Variants in DRC8 observed in about 807,000 individuals in gnomAD.
The protein encoded by DRC8 is dynein regulatory complex protein 8.
chr1:244,978,179 TTTTTA>T, the DRC8 span, among the ~76,000 whole-genome samples: 70 of 152,280 alleles, frequency 4.6e-4, no homozygotes, highest in African/African-American at 1.2e-3. Flanking sequence ...GTAATTTTAG[TTTTTA>T]TTTTTATTTT....
chr1:245,116,367 A>C, the DRC8 span, among the ~76,000 whole-genome samples: 1 of 152,250 alleles, frequency 6.6e-6, no homozygotes, highest in South Asian at 2.1e-4. Context: ...CAGCCTGGGC[A>C]ATGGAGTGAG....
chr1:245,055,944 A>G, the DRC8 span, among the ~76,000 whole-genome samples: 1 of 152,160 alleles, frequency 6.6e-6, no homozygotes, highest in Admixed American at 6.5e-5. Context: ...GCCCAGGTGG[A>G]GTGCAGTGGC....
chr1:245,069,797 C>A, the DRC8 span, among the ~76,000 whole-genome samples: 1 of 152,160 alleles, frequency 6.6e-6, no homozygotes, highest in Non-Finnish European at 1.5e-5. Flanking sequence ...GTTTCAGCTA[C>A]TCGGGAGGCT....
At chr1:245,087,099 G>A in the DRC8 span, 13 of 1,197,352 alleles carry the variant, frequency 1.1e-5, no homozygotes, top group Middle Eastern at 8.0e-4. Context: ...CTGGACTGTC[G>A]TGATGTCCTG....
chr1:244,979,616 A>AT, the DRC8 span, among the ~76,000 whole-genome samples: 1 of 150,440 alleles, frequency 6.6e-6, no homozygotes, highest in Non-Finnish European at 1.5e-5. Context: ...TAATTTTTGT[A>AT]TTTTTAGTAG....
At chr1:245,042,730 AT>A in the DRC8 span, among the ~76,000 whole-genome samples, 5 of 151,098 alleles carry the variant, frequency 3.3e-5, no homozygotes, top group South Asian at 2.1e-4. Context: ...TGTTTTGCCT[AT>A]TTTTTTTTGT....
the DRC8 span, among the ~76,000 whole-genome samples, chr1:245,013,149 G>GAACA: frequency 2.1e-5 from 1 of 47,222 alleles, no homozygotes; most frequent in East Asian, 5.3e-3. Context: ...AAAAAACAAA[G>GAACA]AACAAACAAA....
chr1:245,022,898 T>G, the DRC8 span: 2 of 152,188 alleles, frequency 1.3e-5, no homozygotes, highest in Non-Finnish European at 2.9e-5. Flanking sequence ...TAACAATAAT[T>G]CCATATCCCA....
At chr1:245,055,108 G>T in the DRC8 span, among the ~76,000 whole-genome samples, 5 of 152,134 alleles carry the variant, frequency 3.3e-5, no homozygotes, top group African/African-American at 1.2e-4. Context: ...CAGGAAGCAA[G>T]CCTGCTCTTT....
the DRC8 span, among the ~76,000 whole-genome samples, chr1:245,073,633 T>G: frequency 6.6e-6 from 1 of 151,936 alleles, no homozygotes; most frequent in Non-Finnish European, 1.5e-5. Flanking sequence ...AATGGCTTGA[T>G]AAGATGTTCA....
chr1:245,089,069 A>C, the DRC8 span, among the ~76,000 whole-genome samples: 1 of 152,210 alleles, frequency 6.6e-6, no homozygotes, highest in Non-Finnish European at 1.5e-5. This position sits in a 1 kb window ranked among gnomAD's most constrained non-coding sequence, Gnocchi z 4.8. Flanking sequence ...TCAAGACTAG[A>C]AGTGAGACCA....
chr1:244,985,486 C>T, the DRC8 span, among the ~76,000 whole-genome samples: 15 of 152,138 alleles, frequency 9.9e-5, no homozygotes, highest in African/African-American at 3.6e-4. Flanking sequence ...CGTGTTAGGC[C>T]TGGTGCTAGA....
At chr1:245,079,550 G>T in the DRC8 span, among the ~76,000 whole-genome samples, 9 of 152,182 alleles carry the variant, frequency 5.9e-5, no homozygotes, top group Non-Finnish European at 8.8e-5. Flanking sequence ...TATATTATGT[G>T]TCATTTGTGA....
chr1:245,068,734 G>A, the DRC8 span, among the ~76,000 whole-genome samples: 1 of 151,932 alleles, frequency 6.6e-6, no homozygotes, highest in East Asian at 1.9e-4. Context: ...GAGCATGTGA[G>A]CCACCATACC....
the DRC8 span, among the ~76,000 whole-genome samples, chr1:245,103,104 A>AG: frequency 2.2e-4 from 31 of 137,982 alleles, no homozygotes; most frequent in African/African-American, 6.0e-4. Flanking sequence ...TATGGTCAGG[A>AG]GGGAGACCAG....
the DRC8 span, among the ~76,000 whole-genome samples, chr1:245,056,798 G>A: frequency 7.2e-5 from 11 of 151,940 alleles, no homozygotes; most frequent in Admixed American, 1.3e-4. Flanking sequence ...TTAGCTGGGC[G>A]TGGCGGCCCA....
the DRC8 span, among the ~76,000 whole-genome samples, chr1:245,015,965 C>CTTTTTTTTTTT: frequency 5.1e-4 from 29 of 57,212 alleles, no homozygotes; most frequent in Non-Finnish European, 7.4e-4. Context: ...GCCTACAGGG[C>CTTTTTTTTTTT]TTTTTTTTTT....
At chr1:244,991,197 A>G in the DRC8 span, among the ~76,000 whole-genome samples, 88,520 of 152,048 alleles carry the variant, frequency 0.58, 26,513 homozygotes, top group East Asian at 0.75. Flanking sequence ...TTTAACATTT[A>G]CTGGTTTATC....
At chr1:245,122,008 C>T in the DRC8 span, 2 of 367,830 alleles carry the variant, frequency 5.4e-6, no homozygotes, top group Non-Finnish European at 1.0e-5. Context: ...AAGAGATTCT[C>T]CTGCCTCAGC....
Sources: gnomAD v4.1 joint callset for allele counts (sites outside exome capture counted in the v4.1 genomes callset) on GRCh38, gnomAD v4.1.1 for gene constraint, Gnocchi (gnomAD v3.1) non-coding constraint, MANE v1.5 for transcripts, NCBI Gene and HGNC (gene_info 2026-07-23, HGNC 2026-07-21) for gene names.